The following CNST variants were observed in gnomAD, a reference collection of about 807,000 sequenced individuals.
The protein encoded by CNST is consortin, connexin sorting protein, also known as consortin.
In CNST, 39 loss-of-function variants were observed where a neutral mutation model predicts 72.4. The ratio of observed to expected loss-of-function variants is 0.54; its 90% CI spans 0.42 to 0.70. CNST has a LOEUF of 0.70. CNST is among the 30% of genes least tolerant of loss of function. CNST has a pLI of 0.00. For missense variants in CNST, 871 were observed against 868.5 expected (o/e 1.00, Z -0.04); for synonymous variants, 332 against 320.1 (o/e 1.04, Z -0.40).
chr1:246,594,568 G>A (rs1160822357), intron 2 of CNST, among the ~76,000 whole-genome samples: 1 of 152,008 alleles, frequency 6.6e-6, no homozygotes, highest in East Asian at 1.9e-4. Flanking sequence ...TCAGGAGTTC[G>A]AGACCAGCCT....
At chr1:246,598,741 C>T (rs1377641947) in intron 2 of CNST, among the ~76,000 whole-genome samples, 1 of 152,140 alleles carries the variant, frequency 6.6e-6, no homozygotes, top group African/African-American at 2.4e-5. Context: ...GAGTCTACAT[C>T]ATGCCCTGCC....
At chr1:246,631,866 T>TTC (rs1664791275) in intron 3 of CNST, 28 bp from the exon 4 acceptor site, 3 of 1,403,416 alleles carry the variant, frequency 2.1e-6, no homozygotes, top group Non-Finnish European at 3.0e-6. Flanking sequence ...TAATTTAATT[T>TTC]TCTCTGTGTT....
At chr1:246,634,976 C>CCGGGGTAG (rs1665077783) in intron 6 of CNST, among the ~76,000 whole-genome samples, 1 of 31,626 alleles carries the variant, frequency 3.2e-5, no homozygotes, top group African/African-American at 1.6e-4. Context: ...GGCCGGGGTG[C>CCGGGGTAG]GTGTCTTCCG....
chr1:246,624,611 C>T (rs1415363818), intron 3 of CNST, among the ~76,000 whole-genome samples: 1 of 152,184 alleles, frequency 6.6e-6, no homozygotes, highest in Non-Finnish European at 1.5e-5. Flanking sequence ...TTGATGGCTG[C>T]CTCCTCAGCC....
chr1:246,588,803 A>G (rs1421420915), intron 1 of CNST, among the ~76,000 whole-genome samples: 1 of 152,224 alleles, frequency 6.6e-6, no homozygotes, highest in African/African-American at 2.4e-5. Context: ...ATTTGGACAC[A>G]ATTTTCATTG....
rs1301610364 is a variant in CNST at position 246,566,677 on chromosome 1, G to T, written c.-52+14G>T. 5.0e-6 allele frequency: 2 copies of T among 401,600 alleles called. No individual in the cohort carries two copies. The highest frequency in any genetic ancestry group is 8.8e-6 in the Non-Finnish European group (2 of 227,672). 24.9% of individuals were successfully genotyped at this position (401,600 alleles called of 1,614,324 possible). ...TCCGATTCCCAGGTGAGGAGAGGAG[G>T]AGCGGGATGCAGGGGACCCGCCGGC... On this transcript the variant is annotated intron_variant, in intron 1 of 10. Transcript: ENST00000366513.
chr1:246,647,625 A>T lies in CNST; in HGVS notation c.1424A>T (p.Gln475Leu), dbSNP rs375547864. 13 of 1,614,222 alleles carry T rather than the reference A, an allele frequency of 8.1e-6. No individual in the cohort carries two copies. The African/African-American group carries it at 1.7e-4, about 22-fold the overall frequency. The change falls in exon 9 of 11, where the codon CAA becomes CTA. Residue 475 changes from glutamine (Q) to leucine (L), a missense_variant. Transcript: ENST00000366513. ...GCTTCTGAGGCGTTGCCCACAGACC[A>T]ACTTGAGAACAATGAATTAAATGAG... ...RDASEALPTD[Q>L]LENNELNELQ...
chr1:246,664,631 T>C (rs890308876), intron 10 of CNST, among the ~76,000 whole-genome samples: 1 of 151,916 alleles, frequency 6.6e-6, no homozygotes, highest in Non-Finnish European at 1.5e-5. Flanking sequence ...TTTCACCGTG[T>C]CAGCCAGGAT....
intron 8 of CNST, among the ~76,000 whole-genome samples, chr1:246,645,458 C>T (rs1436078050): frequency 5.6e-5 from 7 of 125,210 alleles, no homozygotes; most frequent in Admixed American, 2.8e-4. Context: ...GATGGAGTCT[C>T]GCTCTGTCGC....
intron 2 of CNST, chr1:246,608,203 G>A (rs939007172): frequency 2.6e-5 from 4 of 152,072 alleles, no homozygotes; most frequent in Non-Finnish European, 5.9e-5. Flanking sequence ...AAATTAGCTG[G>A]GCATGGTGGC....
At chr1:246,585,844 C>T (rs1364643566) in intron 1 of CNST, among the ~76,000 whole-genome samples, 1 of 151,774 alleles carries the variant, frequency 6.6e-6, no homozygotes, top group Non-Finnish European at 1.5e-5. Flanking sequence ...CTTTGGGAGG[C>T]TGAGGTGGCA....
In CNST at chr1:246,610,929, A is replaced by AT. The variant is rs1038853349; in HGVS notation, c.380-10492dup. Reference sequence around the variant, plus strand: ...ATTGTCTAGTTTATGCCTCAACCGTATTTTTTTTGCACCCCTCCGCCCGCT... The same window carrying AT: ...ATTGTCTAGTTTATGCCTCAACCGTATTTTTTTTTGCACCCCTCCGCCCGCT... On this transcript the variant is annotated intron_variant, in intron 2 of 10. Coordinates refer to ENST00000366513, the MANE Select transcript of CNST (RefSeq NM_152609.3). Among the ~76,000 whole-genome samples the AT allele has an allele frequency of 3.8e-4, 57 of 151,500 alleles. No homozygotes were observed. The South Asian group carries it at 4.2e-3, about 11-fold the overall frequency.
chr1:246,626,750 C>G (rs547430690), intron 3 of CNST, among the ~76,000 whole-genome samples: 16 of 152,110 alleles, frequency 1.1e-4, no homozygotes, highest in Non-Finnish European at 2.1e-4. Flanking sequence ...AGCCACTGTG[C>G]CCGGCCTGTC....
intron 5 of CNST, 118 bp from the exon 6 acceptor site, chr1:246,634,355 T>G: frequency 1.6e-6 from 1 of 617,488 alleles, no homozygotes; most frequent in Non-Finnish European, 2.8e-6. Context: ...TTGGGTTGTT[T>G]GAAAAGATAA....
In CNST at chr1:246,621,467, A is replaced by C. The variant is rs773196569; in HGVS notation, c.418A>C (p.Lys140Gln). 2 of 1,614,202 alleles carry C rather than the reference A, an allele frequency of 1.2e-6. No individual in the cohort carries two copies. Among genetic ancestry groups the C allele is most frequent in the East Asian group, 4.5e-5 (2 of 44,892 alleles). ...SGDIAPLMQE[K>Q]VLSAVTYAVD... is the part of the protein sequence containing the mutation. ...AGATATTGCACCTTTAATGCAAGAAAAAGTACTAAGCGCAGTCACATATGC... is the reference window on the plus strand; with the variant it reads ...AGATATTGCACCTTTAATGCAAGAACAAGTACTAAGCGCAGTCACATATGC... Residue 140 changes from lysine to glutamine, a missense_variant, in exon 3 of 11, where the codon AAA becomes CAA. Transcript: ENST00000366513.
At position 246,647,233 on chromosome 1, in the gene CNST, GCAAA is replaced by G; in HGVS notation, c.1035_1038del (p.Thr346IlefsTer7). 2 of 1,614,182 alleles carry G rather than the reference GCAAA, an allele frequency of 1.2e-6. No individual in the cohort carries two copies. Among genetic ancestry groups the G allele is most frequent in the Non-Finnish European group, 1.7e-6 (2 of 1,180,042 alleles). On this transcript the variant is annotated frameshift_variant, in exon 9 of 11. Transcript: ENST00000366513. LOFTEE classifies it high-confidence loss of function. ...GTCCCTGCTGTCATCAGATGGACGT[GCAAA>G]CAGATTCCCCAAGCCTTTCGGTAAC...
At chr1:246,616,790 T>C (rs1254433271) in intron 2 of CNST, among the ~76,000 whole-genome samples, 4 of 151,884 alleles carry the variant, frequency 2.6e-5, no homozygotes, top group Non-Finnish European at 5.9e-5. Flanking sequence ...CTTGACCTCA[T>C]GATCCGCCCA....
chr1:246,571,216 T>C (rs1323671918), intron 1 of CNST, among the ~76,000 whole-genome samples: 1 of 152,224 alleles, frequency 6.6e-6, no homozygotes, highest in African/African-American at 2.4e-5. Context: ...GTACGAGATC[T>C]CAGCTCACTG....
intron 2 of CNST, among the ~76,000 whole-genome samples, chr1:246,615,951 T>C (rs770947658): frequency 1.7e-4 from 26 of 152,166 alleles, no homozygotes; most frequent in Non-Finnish European, 1.2e-4. Flanking sequence ...ATTTTAGAGC[T>C]TAATGAAGTT....
Sources: allele counts gnomAD v4.1 joint callset (sites outside exome capture counted in the v4.1 genomes callset), GRCh38; gene constraint gnomAD v4.1.1; transcripts MANE v1.5; gene names NCBI Gene and HGNC (gene_info 2026-07-23, HGNC 2026-07-21).